The following KLF12 variants were observed in gnomAD, a reference collection of about 807,000 sequenced individuals.
KLF12 encodes Krueppel-like factor 12.
In KLF12, 9 loss-of-function variants were observed where a neutral mutation model predicts 37.8. That is an observed-to-expected ratio of 0.24 (90% CI 0.14 to 0.42). The LOEUF (loss-of-function observed/expected upper bound fraction) is 0.42. Ranked by LOEUF, KLF12 falls within the 10% of genes least tolerant of loss-of-function variation. The pLI is 1.00. For missense variants in KLF12, 411 were observed against 516.0 expected, an observed-to-expected ratio of 0.80 and a Z score of 1.97; for synonymous variants, 208 against 202.1, an observed-to-expected ratio of 1.03 and a Z score of -0.25.
chr13:73,870,169 C>G (rs1886395678), intron 3 of KLF12, among the ~76,000 whole-genome samples: 2 of 152,198 alleles, frequency 1.3e-5, no homozygotes, highest in Non-Finnish European at 2.9e-5. Context: ...GTTGCCATCA[C>G]TGTGACGTCA....
At chr13:73,847,291 C>A (rs1885082079) in intron 3 of KLF12, among the ~76,000 whole-genome samples, 8 of 152,128 alleles carry the variant, frequency 5.3e-5, no homozygotes, top group Admixed American at 5.2e-4. Context: ...TTGGTTACAT[C>A]TGTTTGGCCA....
At chr13:74,079,048 C>T (rs1222509292) in intron 1 of KLF12, among the ~76,000 whole-genome samples, 2 of 152,108 alleles carry the variant, frequency 1.3e-5, no homozygotes, top group African/African-American at 4.8e-5. Flanking sequence ...GTATTCTCTT[C>T]CCACAGTAGG....
chr13:73,885,483 C>A (rs974344364), intron 3 of KLF12, among the ~76,000 whole-genome samples: 30 of 152,312 alleles, frequency 2.0e-4, no homozygotes, highest in African/African-American at 7.2e-4. Context: ...CCAGACCCAT[C>A]TTCTGCATTC....
At chr13:73,736,919 T>C (rs1877506043) in intron 6 of KLF12, among the ~76,000 whole-genome samples, 1 of 152,332 alleles carries the variant, frequency 6.6e-6, no homozygotes, top group South Asian at 2.1e-4. Context: ...CTAGTTTTTA[T>C]TCAAAAAATT....
chr13:73,917,562 A>G (rs561409669), intron 3 of KLF12, among the ~76,000 whole-genome samples: 12 of 152,332 alleles, frequency 7.9e-5, no homozygotes, highest in African/African-American at 2.9e-4. Context: ...GGACTCTACC[A>G]TTTATTTGTA....
intron 1 of KLF12, among the ~76,000 whole-genome samples, chr13:74,072,405 A>ATATG (rs1422982872): frequency 7.5e-6 from 1 of 133,344 alleles, no homozygotes; most frequent in East Asian, 2.3e-4. Context: ...ATATATATAT[A>ATATG]TAAAAGATTA....
intron 5 of KLF12, among the ~76,000 whole-genome samples, chr13:73,777,511 C>T (rs1220869707): frequency 6.6e-6 from 1 of 152,002 alleles, no homozygotes; most frequent in Admixed American, 6.6e-5. Flanking sequence ...GAGTTCAAGA[C>T]CAGCCTGACC....
intron 3 of KLF12, among the ~76,000 whole-genome samples, chr13:73,847,009 AAAT>A (rs1477511095): frequency 6.6e-6 from 1 of 152,168 alleles, no homozygotes; most frequent in Non-Finnish European, 1.5e-5. Context: ...ATTTAATCTG[AAAT>A]AATGATGATA....
rs1876027861 is a variant in KLF12 at position 74,097,145 on chromosome 13, A to G, written c.-32+36594T>C. Among the ~76,000 whole-genome samples the G allele has an allele frequency of 2.0e-5, 3 of 152,182 alleles. No individual in the cohort carries two copies. In the South Asian group the frequency reaches 6.2e-4, roughly 32 times the overall value. ...CAAGTTCAGGATTAATTTTGTCTCT[A>G]AAGAATCTCCAAGAACTACGTTTAA... On this transcript the variant is annotated intron_variant, in intron 1 of 7. Coordinates refer to ENST00000377669, the MANE Select transcript of KLF12 (RefSeq NM_007249.5).
intron 1 of KLF12, among the ~76,000 whole-genome samples, chr13:74,112,894 T>A (rs541862289): frequency 2.0e-5 from 3 of 152,254 alleles, no homozygotes; most frequent in South Asian, 2.1e-4. Context: ...AAGAGCCAAG[T>A]TGTGAATGCC....
intron 1 of KLF12, among the ~76,000 whole-genome samples, chr13:74,103,000 A>AG (rs1283259721): frequency 6.6e-6 from 1 of 151,136 alleles, no homozygotes; most frequent in Non-Finnish European, 1.5e-5. Context: ...TGTTTTTTTG[A>AG]GGGGGGCAGT....
At chr13:73,821,704 CAG>C (rs2138506700) in intron 4 of KLF12, among the ~76,000 whole-genome samples, 1 of 152,218 alleles carries the variant, frequency 6.6e-6, no homozygotes, top group East Asian at 1.9e-4. Flanking sequence ...GAATATGGTT[CAG>C]CAGCCCTCCG....
chr13:74,109,775 A>T (rs1484482033), intron 1 of KLF12, among the ~76,000 whole-genome samples: 3 of 152,344 alleles, frequency 2.0e-5, no homozygotes, highest in Admixed American at 1.3e-4. Flanking sequence ...AAATATAAAG[A>T]GCAAGGGGAA....
chr13:73,990,545 G>A (rs1164421398), intron 2 of KLF12, among the ~76,000 whole-genome samples: 1 of 152,090 alleles, frequency 6.6e-6, no homozygotes, highest in African/African-American at 2.4e-5. Context: ...TAAAATAAAT[G>A]TGAATAACCT....
At chr13:73,816,124 C>G (rs889130392) in intron 4 of KLF12, among the ~76,000 whole-genome samples, 1 of 152,194 alleles carries the variant, frequency 6.6e-6, no homozygotes, top group African/African-American at 2.4e-5. Flanking sequence ...ATCTGCATTG[C>G]TGATTAGGTC....
At chr13:73,829,439 G>T (rs904211013) in intron 4 of KLF12, among the ~76,000 whole-genome samples, 3 of 152,028 alleles carry the variant, frequency 2.0e-5, no homozygotes, top group African/African-American at 7.2e-5. Context: ...TAAAATTCAA[G>T]AGTTTTATAA....
intron 6 of KLF12, among the ~76,000 whole-genome samples, chr13:73,751,752 A>G (rs577401491): frequency 2.0e-5 from 3 of 152,252 alleles, no homozygotes; most frequent in African/African-American, 7.2e-5. Flanking sequence ...TGTTTTGGGA[A>G]AATGGGCCCT....
chr13:74,231,087 T>G, the KLF12 span, among the ~76,000 whole-genome samples: 1 of 152,022 alleles, frequency 6.6e-6, no homozygotes, highest in African/African-American at 2.4e-5. Context: ...CAAGTATCTC[T>G]GCTTGCATCG....
the KLF12 span, among the ~76,000 whole-genome samples, chr13:74,234,459 C>A: frequency 6.6e-6 from 1 of 152,204 alleles, no homozygotes. Flanking sequence ...ACCTTACTTA[C>A]ATGAGATTAT....
Sources: gnomAD v4.1 joint callset for allele counts (sites outside exome capture counted in the v4.1 genomes callset) on GRCh38, gnomAD v4.1.1 for gene constraint, MANE v1.5 for transcripts, NCBI Gene and HGNC (gene_info 2026-07-23, HGNC 2026-07-21) for gene names.